Variants in ROBO2 observed in about 807,000 individuals in gnomAD.
ROBO2 encodes the protein roundabout guidance receptor 2.
In ROBO2, 53 loss-of-function variants were observed where a neutral mutation model predicts 160.8. That is an observed-to-expected ratio of 0.33 (90% CI 0.26 to 0.41). ROBO2 has a LOEUF of 0.41. Ranked by LOEUF, ROBO2 falls within the 10% of genes least tolerant of loss-of-function variation. The pLI, the probability that ROBO2 is intolerant of heterozygous loss-of-function variation, is 1.00. For synonymous variants in ROBO2, 664 were observed against 611.7 expected (o/e 1.09, Z -1.26); for missense variants, 1,577 against 1,722.4 (o/e 0.92, Z 1.49).
At chr3:76,566,163 G>A (rs2084507115) in intron 2 of ROBO2, among the ~76,000 whole-genome samples, 1 of 152,186 alleles carries the variant, frequency 6.6e-6, no homozygotes, top group Non-Finnish European at 1.5e-5. Context: ...GTGGAGGGTT[G>A]GGTACCAAGG....
At chr3:76,643,766 G>T (rs1033005962) in intron 2 of ROBO2, among the ~76,000 whole-genome samples, 3 of 151,576 alleles carry the variant, frequency 2.0e-5, no homozygotes, top group Non-Finnish European at 4.4e-5. Flanking sequence ...CCATTTAATG[G>T]TTTAAAAAAA....
intron 2 of ROBO2, among the ~76,000 whole-genome samples, chr3:77,347,416 C>T (rs1182678546): frequency 6.6e-6 from 1 of 151,472 alleles, no homozygotes; most frequent in African/African-American, 2.4e-5. Flanking sequence ...GCAATTTTCC[C>T]TCTTTCCTTC....
At chr3:76,771,020 T>G (rs116107742) in intron 2 of ROBO2, among the ~76,000 whole-genome samples, 1 of 151,358 alleles carries the variant, frequency 6.6e-6, no homozygotes, top group Admixed American at 6.6e-5. Flanking sequence ...TGAGATGTTT[T>G]CTACCTTTGC....
At chr3:76,555,413 A>AGAAGAAGAAGAG (rs1560141382) in intron 2 of ROBO2, among the ~76,000 whole-genome samples, 1 of 68,824 alleles carries the variant, frequency 1.5e-5, no homozygotes, top group Non-Finnish European at 4.5e-5. Context: ...AAGAAGAAGA[A>AGAAGAAGAAGAG]GAAGAAAGAA....
intron 21 of ROBO2, among the ~76,000 whole-genome samples, chr3:77,608,710 T>C (rs1299959101): frequency 6.6e-6 from 1 of 152,210 alleles, no homozygotes; most frequent in Non-Finnish European, 1.5e-5. Flanking sequence ...TTAATAATTC[T>C]GAATGCTTTG....
intron 2 of ROBO2, among the ~76,000 whole-genome samples, chr3:77,224,543 G>A (rs186262683): frequency 4.6e-5 from 7 of 151,980 alleles, no homozygotes; most frequent in East Asian, 3.9e-4. Flanking sequence ...CTATCACAAC[G>A]GGTATTAATG....
At chr3:76,267,240 G>T (rs1707154580) in intron 2 of ROBO2, among the ~76,000 whole-genome samples, 1 of 152,044 alleles carries the variant, frequency 6.6e-6, no homozygotes, top group South Asian at 2.1e-4. Context: ...GAACTGTAGA[G>T]GTTATTAACT....
intron 2 of ROBO2, among the ~76,000 whole-genome samples, chr3:76,446,765 T>A (rs1023121631): frequency 1.4e-4 from 22 of 152,058 alleles, no homozygotes; most frequent in African/African-American, 5.1e-4. Flanking sequence ...ATCTTTGACA[T>A]ACCTGAGAAA....
intron 2 of ROBO2, among the ~76,000 whole-genome samples, chr3:77,145,659 A>G (rs1289025613): frequency 6.6e-6 from 1 of 152,104 alleles, no homozygotes; most frequent in Non-Finnish European, 1.5e-5. Flanking sequence ...TTTTGCCTCC[A>G]TCACACATCG....
chr3:76,627,167 T>C (rs547447400), intron 2 of ROBO2, among the ~76,000 whole-genome samples: 1 of 152,320 alleles, frequency 6.6e-6, no homozygotes, highest in South Asian at 2.1e-4. Flanking sequence ...CACAGTTTGG[T>C]TGTTACTTCC....
In ROBO2 at chr3:76,766,986, T is replaced by G. The variant is rs562887935; in HGVS notation, c.110-331028T>G. ...GAAAGAATAATTCACTTCACATTAT[T>G]TATAAAGTTCACAAGGAGATTAATA... On this transcript the variant is annotated intron_variant, in intron 2 of 26. Coordinates refer to the ROBO2 transcript ENST00000487694. 3.3e-5 allele frequency among the ~76,000 whole-genome samples: 5 copies of G among 151,610 alleles called. No homozygotes were observed. The South Asian group carries it at 1.0e-3, about 31-fold the overall frequency.
chr3:77,104,463 A>G (rs2072506861), intron 2 of ROBO2, among the ~76,000 whole-genome samples: 1 of 152,036 alleles, frequency 6.6e-6, no homozygotes, highest in Non-Finnish European at 1.5e-5. Flanking sequence ...TTATTTATCC[A>G]TTCATTGTAT....
chr3:77,485,509 C>T (rs958836254), intron 4 of ROBO2, among the ~76,000 whole-genome samples: 1 of 151,866 alleles, frequency 6.6e-6, no homozygotes. Flanking sequence ...AATACATTAC[C>T]TTAGTTTGAC....
chr3:76,563,309 A>G (rs1243757759), intron 2 of ROBO2, among the ~76,000 whole-genome samples: 2 of 152,168 alleles, frequency 1.3e-5, no homozygotes, highest in African/African-American at 4.8e-5. Context: ...TAATATATTA[A>G]TGGATTGTGT....
intron 2 of ROBO2, among the ~76,000 whole-genome samples, chr3:77,214,516 G>A (rs2084654927): frequency 6.6e-6 from 1 of 152,134 alleles, no homozygotes; most frequent in African/African-American, 2.4e-5. Flanking sequence ...ACACTGATGG[G>A]TCTTGACTCT....
chr3:76,283,496 C>T (rs983666768), intron 2 of ROBO2, among the ~76,000 whole-genome samples: 30 of 151,826 alleles, frequency 2.0e-4, no homozygotes, highest in African/African-American at 7.0e-4. Flanking sequence ...TCGTAAACAA[C>T]CTCAATCTTA....
chr3:77,241,506 A>G (rs17015104), intron 2 of ROBO2, among the ~76,000 whole-genome samples: 4,548 of 152,308 alleles, frequency 0.03, 206 homozygotes, highest in East Asian at 0.22. Context: ...TAATGATAAC[A>G]CTATTGTCAA....
intron 2 of ROBO2, among the ~76,000 whole-genome samples, chr3:76,964,852 C>A (rs949257422): frequency 3.9e-5 from 6 of 152,164 alleles, no homozygotes. Context: ...AAACTTACTA[C>A]TTTTAGTAAT....
At chr3:76,583,485 T>C (rs1334657673) in intron 2 of ROBO2, among the ~76,000 whole-genome samples, 1 of 152,152 alleles carries the variant, frequency 6.6e-6, no homozygotes, top group Non-Finnish European at 1.5e-5. Context: ...ACTTCTTGGG[T>C]GTTAAACTAC....
Sources: gnomAD v4.1 joint callset for allele counts (sites outside exome capture counted in the v4.1 genomes callset) on GRCh38, gnomAD v4.1.1 for gene constraint, MANE v1.5 for transcripts, NCBI Gene and HGNC (gene_info 2026-07-23, HGNC 2026-07-21) for gene names.